Variants in ARHGAP20 observed in about 807,000 individuals in gnomAD.
The protein encoded by ARHGAP20 is rho GTPase-activating protein 20.
A neutral mutation model predicts 73.7 loss-of-function variants in ARHGAP20; 34 were observed. The ratio of observed to expected loss-of-function variants is 0.46; its 90% CI spans 0.35 to 0.61. The LOEUF is 0.61. Among genes scored for constraint, ARHGAP20 ranks in the 20% least tolerant of loss-of-function variants. The probability of loss-of-function intolerance (pLI) is 0.00; values close to 1 mark genes in which losing one functional copy is unlikely to be tolerated. For synonymous variants in ARHGAP20, 523 were observed against 518.2 expected, an observed-to-expected ratio of 1.01 and a Z score of -0.13; for missense variants, 1,314 against 1,420.9, an observed-to-expected ratio of 0.92 and a Z score of 1.21.
Position 110,578,187 on chromosome 11 carries a change from G to C in ARHGAP20, c.*1183C>G. 4 of 985,442 alleles carry C rather than the reference G, an allele frequency of 4.1e-6. No homozygotes were observed. Among genetic ancestry groups the C allele is most frequent in the Non-Finnish European group, 4.8e-6 (4 of 829,940 alleles). 61.0% of individuals were successfully genotyped at this position (985,442 alleles called of 1,614,324 possible). ...CATGGATATAAAATAAACCAATGGG[G>C]TATAAGCCATGAAACATTTGGGGCA... On this transcript the variant is annotated 3_prime_UTR_variant, in exon 15 of 15. Coordinates refer to ENST00000683387, the MANE Select transcript of ARHGAP20 (RefSeq NM_001384657.1).
chr11:110,689,030 G>A (rs887211310), intron 2 of ARHGAP20, among the ~76,000 whole-genome samples: 9 of 141,494 alleles, frequency 6.4e-5, no homozygotes, highest in Non-Finnish European at 1.2e-4. Context: ...ATGGAGTCTC[G>A]CTCTGTGGCC....
intron 1 of ARHGAP20, among the ~76,000 whole-genome samples, chr11:110,702,343 T>C (rs573127488): frequency 3.3e-4 from 50 of 152,282 alleles, no homozygotes; most frequent in African/African-American, 1.2e-3. Flanking sequence ...CAACCCTTCA[T>C]GCTAAAAACT....
intron 2 of ARHGAP20, among the ~76,000 whole-genome samples, chr11:110,660,061 C>CA (rs746439426): frequency 0.045 from 3,083 of 69,144 alleles, 58 homozygotes; most frequent in African/African-American, 0.088. Context: ...TAATAAAAAA[C>CA]AAAAAAAAAA....
intron 9 of ARHGAP20, among the ~76,000 whole-genome samples, chr11:110,602,735 T>C (rs2134865765): frequency 6.6e-6 from 1 of 152,272 alleles, no homozygotes; most frequent in African/African-American, 2.4e-5. Context: ...AATAGTAAAC[T>C]AAAAAACAAG....
chr11:110,621,295 A>G (rs978372812), intron 4 of ARHGAP20, among the ~76,000 whole-genome samples: 8 of 152,056 alleles, frequency 5.3e-5, no homozygotes, highest in African/African-American at 1.7e-4. Flanking sequence ...AGTGAGCTGT[A>G]TATTTATGCC....
At chr11:110,689,191 T>C (rs1256114408) in intron 2 of ARHGAP20, among the ~76,000 whole-genome samples, 1 of 151,778 alleles carries the variant, frequency 6.6e-6, no homozygotes, top group East Asian at 1.9e-4. Flanking sequence ...TAAGTAGAGA[T>C]GGGGTTTCAA....
intron 1 of ARHGAP20, among the ~76,000 whole-genome samples, chr11:110,696,084 T>C (rs983726487): frequency 2.6e-5 from 4 of 151,632 alleles, no homozygotes; most frequent in Non-Finnish European, 5.9e-5. Flanking sequence ...ATATATTATA[T>C]GATTTCATTT....
At chr11:110,674,004 T>C (rs1363186429) in intron 2 of ARHGAP20, among the ~76,000 whole-genome samples, 1 of 151,950 alleles carries the variant, frequency 6.6e-6, no homozygotes, top group Admixed American at 6.6e-5. Flanking sequence ...AGTGGCATGA[T>C]CTCAGCTCAC....
At chr11:110,619,715 G>A (rs1329427677) in intron 4 of ARHGAP20, among the ~76,000 whole-genome samples, 1 of 151,840 alleles carries the variant, frequency 6.6e-6, no homozygotes, top group Non-Finnish European at 1.5e-5. Context: ...TACAGTGATA[G>A]AGTATATGTA....
Position 110,577,451 on chromosome 11 carries a change from G to A in ARHGAP20, c.*1919C>T. The A allele has an allele frequency of 9.5e-7, 1 of 1,047,848 alleles. No individual in the cohort carries two copies. Among genetic ancestry groups the A allele is most frequent in the African/African-American group, 1.7e-5 (1 of 57,868 alleles). 64.9% of individuals were successfully genotyped at this position (1,047,848 alleles called of 1,614,324 possible). A position where few individuals can be genotyped will look rare whatever the true frequency, so the allele number is the denominator to read the frequency against. On this transcript the variant is annotated 3_prime_UTR_variant, in exon 15 of 15. Coordinates refer to ENST00000683387, the MANE Select transcript of ARHGAP20 (RefSeq NM_001384657.1). ...CTTCTATGCTTCAAATTGGGTGAAT[G>A]ATTTTTTACCTGCTAACATGAAAAA... is the stretch of plus-strand genomic sequence containing the variant.
At chr11:110,588,765 T>A (rs1465117430) in intron 11 of ARHGAP20, among the ~76,000 whole-genome samples, 2 of 152,208 alleles carry the variant, frequency 1.3e-5, no homozygotes, top group South Asian at 2.1e-4. Context: ...AATAGCATAG[T>A]AAGAAATTTT....
chr11:110,698,490 T>C (rs1950380605), intron 1 of ARHGAP20, among the ~76,000 whole-genome samples: 1 of 151,742 alleles, frequency 6.6e-6, no homozygotes, highest in South Asian at 2.1e-4. Context: ...TTCGGTAAGA[T>C]TGAATACCAG....
chr11:110,642,343 A>C (rs1453653874), intron 2 of ARHGAP20, among the ~76,000 whole-genome samples: 1 of 152,046 alleles, frequency 6.6e-6, no homozygotes, highest in Non-Finnish European at 1.5e-5. Context: ...AAGTGGTGAG[A>C]GTGGGCATTC....
intron 2 of ARHGAP20, among the ~76,000 whole-genome samples, chr11:110,632,709 T>G (rs1349389809): frequency 2.6e-5 from 4 of 152,212 alleles, no homozygotes; most frequent in Non-Finnish European, 5.9e-5. Context: ...CAGCCTTTAA[T>G]TAGGATTTTA....
chr11:110,635,771 G>A (rs1435929811), intron 2 of ARHGAP20, among the ~76,000 whole-genome samples: 1 of 151,766 alleles, frequency 6.6e-6, no homozygotes, highest in Non-Finnish European at 1.5e-5. Context: ...CAAAGAAAAG[G>A]CCTACATTCA....
intron 2 of ARHGAP20, among the ~76,000 whole-genome samples, chr11:110,677,495 A>G (rs1242039326): frequency 6.6e-6 from 1 of 152,134 alleles, no homozygotes; most frequent in African/African-American, 2.4e-5. Context: ...CTCTACAAAA[A>G]TTAGCCAGGT....
intron 12 of ARHGAP20, among the ~76,000 whole-genome samples, chr11:110,584,951 A>ATGTGAATATATG (rs368546089): frequency 2.1e-5 from 2 of 93,786 alleles, no homozygotes; most frequent in South Asian, 3.6e-4. Flanking sequence ...ATATGAATAT[A>ATGTGAATATATG]TGAATATATG....
At position 110,609,033 on chromosome 11, in the gene ARHGAP20, G is replaced by T. The variant is rs747144780; in HGVS notation, c.726C>A (p.Tyr242Ter). Residue 242 changes from tyrosine to a stop codon, truncating the protein, a stop_gained, in exon 8 of 15, where the codon TAC becomes TAA. Transcript: ENST00000683387. LOFTEE classifies it high-confidence loss of function. ...MLGITGSERD[Y>*]QLWVNSGKEE... ...CTTTGCCAGAATTGACCCACAACTG[G>T]TAATCTCTCTCAGAGCCCTTAGAGA... 1 of 1,613,430 alleles carries T rather than the reference G, an allele frequency of 6.2e-7. No homozygotes were observed.
intron 1 of ARHGAP20, chr11:110,690,983 T>A (rs1014245874): frequency 1.3e-6 from 2 of 1,523,770 alleles, no homozygotes; most frequent in African/African-American, 2.8e-5. Context: ...TTATTTATTA[T>A]AATCCAAAAT....
Sources: gnomAD v4.1 joint callset for allele counts (sites outside exome capture counted in the v4.1 genomes callset) on GRCh38, gnomAD v4.1.1 for gene constraint, MANE v1.5 for transcripts, NCBI Gene and HGNC (gene_info 2026-07-23, HGNC 2026-07-21) for gene names.